GAS2L1: variants seen among roughly 807,000 people sequenced by gnomAD.
GAS2L1 encodes the protein GAS2-like protein 1.
A neutral mutation model predicts 44.0 loss-of-function variants in GAS2L1; 26 were observed. That is an observed-to-expected ratio of 0.59 (90% CI 0.43 to 0.82). The LOEUF is 0.82. GAS2L1 is among the 40% of genes least tolerant of loss of function. GAS2L1 has a pLI of 0.00. For missense variants in GAS2L1, 1,006 were observed against 983.0 expected, an observed-to-expected ratio of 1.02 and a Z score of -0.31; for synonymous variants, 426 against 415.9, an observed-to-expected ratio of 1.02 and a Z score of -0.30.
rs1395556345 is a variant in GAS2L1 at position 29,310,442 on chromosome 22, AG to A, written c.640del (p.Glu214ArgfsTer14). The A allele has an allele frequency of 1.3e-6, 2 of 1,579,606 alleles. No homozygotes were observed. Among genetic ancestry groups the A allele is most frequent in the Non-Finnish European group, 1.7e-6 (2 of 1,148,794 alleles). ...TACCCTCTCTCTCTGGCCTCAGGTG[AG>A]GGAGATTCTGGGCCGCTGCACCTGC... is the stretch of plus-strand genomic sequence containing the variant. On this transcript the variant is annotated frameshift_variant, in exon 2 of 5. Coordinates refer to ENST00000618518, the Ensembl canonical transcript of GAS2L1. LOFTEE classifies it high-confidence loss of function.
At chr22:29,311,023 G>C in intron 4 of GAS2L1, 25 bp downstream of exon 5, 3 of 1,593,326 alleles carry the variant, frequency 1.9e-6, no homozygotes, top group Non-Finnish European at 2.6e-6. Flanking sequence ...GACGAGGAGT[G>C]AGGGGTCCAG....
chr22:29,312,400 C>A, exon 5 of GAS2L1: 1 of 1,576,144 alleles, frequency 6.3e-7, no homozygotes, highest in Non-Finnish European at 8.6e-7. Context: ...ATCCCCACGC[C>A]TCGGGGCCCC....
At chr22:29,311,241 A>T in intron 4 of GAS2L1, 1 of 589,452 alleles carries the variant, frequency 1.7e-6, no homozygotes, top group Non-Finnish European at 3.0e-6. Flanking sequence ...CGTCCTGGGA[A>T]GGGGGGTGTC....
At chr22:29,308,516 G>A in exon 1 of GAS2L1, 2 of 1,608,048 alleles carry the variant, frequency 1.2e-6, no homozygotes. Context: ...AGAGCGTGGT[G>A]CTGTGCCTGC....
At chr22:29,309,546 T>G (rs547731034) in intron 1 of GAS2L1, among the ~76,000 whole-genome samples, 14 of 152,338 alleles carry the variant, frequency 9.2e-5, no homozygotes, top group African/African-American at 3.4e-4. Context: ...CCCACCTGCT[T>G]ATTTCCTCTG....
At chr22:29,308,122 C>T (rs1188585936) in exon 1 of GAS2L1, 5 of 1,553,438 alleles carry the variant, frequency 3.2e-6, no homozygotes, top group African/African-American at 2.7e-5. Flanking sequence ...GACCCAGTGG[C>T]GGGCATCGCG....
rs200682667 is a variant in GAS2L1 at position 29,312,241 on chromosome 22, C to G, written c.1790C>G (p.Ala597Gly). ...GGGCTGCCTGGGCCCCGAAGCCAAG[C>G]CCTTTCCAGCTCCTCCGATGAAGGC... The change falls in exon 5 of 5, where the codon GCC becomes GGC. Residue 597 changes from alanine to glycine, a missense_variant. Physicochemically the swap from Ala to Gly is moderately conservative, Grantham distance 60. Coordinates refer to ENST00000618518, the Ensembl canonical transcript of GAS2L1. The G allele has an allele frequency of 5.8e-5, 94 of 1,612,922 alleles. No homozygotes were observed. The African/African-American group carries it at 1.2e-3, about 20-fold the overall frequency.
chr22:29,311,251 C>G (rs892664685), intron 4 of GAS2L1: 15 of 585,806 alleles, frequency 2.6e-5, no homozygotes, highest in African/African-American at 2.4e-4. Context: ...AGGGGGGTGT[C>G]TAGAGCCCAG....
At chr22:29,312,001 T>C in exon 5 of GAS2L1, 1 of 1,611,648 alleles carries the variant, frequency 6.2e-7, no homozygotes, top group Non-Finnish European at 8.5e-7. Context: ...GAGCAGCAGC[T>C]GTTCCGGCGC....
exon 1 of GAS2L1, chr22:29,307,977 AC>A: frequency 1.5e-6 from 1 of 678,682 alleles, no homozygotes. Flanking sequence ...CAACATGTAA[AC>A]CAGGCATTTG....
At chr22:29,312,341 C>A in exon 5 of GAS2L1, 1 of 1,604,904 alleles carries the variant, frequency 6.2e-7, no homozygotes, top group Non-Finnish European at 8.5e-7. Context: ...CCTCGAGGAC[C>A]TGGGCACGGG....
At chr22:29,311,130 C>CCTG (rs774528060) in intron 4 of GAS2L1, 132 bp downstream of exon 5, 1 of 865,532 alleles carries the variant, frequency 1.2e-6, no homozygotes, top group Non-Finnish European at 1.7e-6. Context: ...GGGGGCGGGC[C>CCTG]TGGCTTCCCA....
exon 3 of GAS2L1, chr22:29,310,720 G>A (rs751830911): frequency 6.2e-6 from 10 of 1,608,738 alleles, no homozygotes; most frequent in East Asian, 2.2e-5. Flanking sequence ...GACCCGTGCC[G>A]CTGCTCCTCC....
chr22:29,312,501 A>G (rs2061421930), exon 5 of GAS2L1: 1 of 1,503,190 alleles, frequency 6.7e-7, no homozygotes. Flanking sequence ...GATGTGATGG[A>G]CCAGCTCAGC....
chr22:29,309,319 C>T (rs1364810348), intron 1 of GAS2L1, among the ~76,000 whole-genome samples: 1 of 152,336 alleles, frequency 6.6e-6, no homozygotes, highest in East Asian at 1.9e-4. Flanking sequence ...TTACAGGATT[C>T]GTTCTACTCT....
At chr22:29,309,431 CAGA>C (rs2147897638) in intron 1 of GAS2L1, among the ~76,000 whole-genome samples, 1 of 152,388 alleles carries the variant, frequency 6.6e-6, no homozygotes, top group Admixed American at 6.5e-5. Flanking sequence ...TCCTTCTTAT[CAGA>C]AGGTCAGGAC....
Position 29,311,581 on chromosome 22 carries a change from GC to G in GAS2L1, c.1135del (p.Arg379GlyfsTer9), listed in dbSNP as rs1416394926. On this transcript the variant is annotated frameshift_variant, in exon 5 of 5. Transcript: ENST00000618518. LOFTEE classifies it high-confidence loss of function. The stretch of plus-strand genomic sequence containing the variant: ...ACCCGCAGTGATGACACAGGCACTG[GC>G]CCCCGGAGGGAGCGACCCAGCCGGC... 7 of 1,541,298 alleles carry G rather than the reference GC, an allele frequency of 4.5e-6. No homozygotes were observed.
At chr22:29,309,168 G>A (rs1436424416) in intron 1 of GAS2L1, among the ~76,000 whole-genome samples, 2 of 152,192 alleles carry the variant, frequency 1.3e-5, no homozygotes, top group Non-Finnish European at 2.9e-5. Context: ...CGGTTGAGAC[G>A]AGGCATGGAA....
chr22:29,311,073 G>T, intron 4 of GAS2L1, 75 bp downstream of exon 5: 1 of 1,390,372 alleles, frequency 7.2e-7, no homozygotes, highest in Non-Finnish European at 9.8e-7. Context: ...ATGATGGGTT[G>T]CCTGTGCGCC....
Sources: gnomAD v4.1 joint callset for allele counts (sites outside exome capture counted in the v4.1 genomes callset) on GRCh38, gnomAD v4.1.1 for gene constraint, MANE v1.5 for transcripts, NCBI Gene and HGNC (gene_info 2026-07-23, HGNC 2026-07-21) for gene names.